The following CLIC5 variants were observed in gnomAD, a reference collection of about 807,000 sequenced individuals.
CLIC5 encodes the protein CLIC family member 5.
In CLIC5, 20 loss-of-function variants were observed where a neutral mutation model predicts 24.7. That is an observed-to-expected ratio of 0.81 (90% confidence interval 0.57 to 1.18). The LOEUF (loss-of-function observed/expected upper bound fraction) is 1.18, where lower values mean the gene tolerates loss of function less well. Ranked by LOEUF, CLIC5 falls within the 50% of genes most tolerant of loss-of-function variation. The pLI, the probability that CLIC5 is intolerant of heterozygous loss-of-function variation, is 0.00. For synonymous variants in CLIC5, 159 were observed against 135.6 expected (o/e 1.17, Z -1.20); for missense variants, 341 against 326.1 (o/e 1.05, Z -0.35).
At chr6:45,909,660 G>C (rs550702422) in intron 5 of CLIC5, among the ~76,000 whole-genome samples, 33 of 152,234 alleles carry the variant, frequency 2.2e-4, no homozygotes, top group African/African-American at 7.2e-4. Flanking sequence ...AGCCTGATGG[G>C]GTTCCATTTG....
intron 1 of CLIC5, among the ~76,000 whole-genome samples, chr6:46,029,073 C>A (rs769155550): frequency 4.6e-5 from 7 of 152,030 alleles, no homozygotes; most frequent in Non-Finnish European, 1.0e-4. Flanking sequence ...CAGAATGAAC[C>A]TTTTTCAGAC....
intron 1 of CLIC5, among the ~76,000 whole-genome samples, chr6:45,982,434 G>A (rs192813285): frequency 1.4e-4 from 21 of 152,204 alleles, no homozygotes; most frequent in Admixed American, 1.2e-3. Context: ...ATCTTTAGGT[G>A]ATTTTGTCAC....
the CLIC5 span, among the ~76,000 whole-genome samples, chr6:46,098,709 C>T: frequency 5.3e-5 from 8 of 152,244 alleles, no homozygotes; most frequent in South Asian, 8.3e-4. Context: ...GCTTCTGCAA[C>T]GGAAGCATAA....
At chr6:46,128,029 T>C in the CLIC5 span, among the ~76,000 whole-genome samples, 1 of 152,222 alleles carries the variant, frequency 6.6e-6, no homozygotes, top group Non-Finnish European at 1.5e-5. Flanking sequence ...CAACCAGTCC[T>C]GAAGTCTGCC....
the CLIC5 span, among the ~76,000 whole-genome samples, chr6:46,093,650 C>T: frequency 3.5e-3 from 538 of 152,268 alleles, 3 homozygotes; most frequent in African/African-American, 0.012. Flanking sequence ...TGTCTGAGTG[C>T]CTGAATTCTT....
chr6:45,949,186 A>C, intron 3 of CLIC5, 70 bp downstream of exon 3: 1 of 1,529,652 alleles, frequency 6.5e-7, no homozygotes, highest in South Asian at 1.3e-5. Context: ...CCCGAAGTTA[A>C]CACCAGGACT....
intron 2 of CLIC5, among the ~76,000 whole-genome samples, chr6:45,954,449 AC>A (rs547344694): frequency 2.2e-4 from 34 of 152,158 alleles, no homozygotes; most frequent in Non-Finnish European, 2.8e-4. Flanking sequence ...AGAACAATTC[AC>A]ATAAAGATAA....
At chr6:45,881,680 A>T (rs1476529267) in intron 6 of CLIC5, among the ~76,000 whole-genome samples, 1 of 152,120 alleles carries the variant, frequency 6.6e-6, no homozygotes, top group Non-Finnish European at 1.5e-5. Context: ...GGGAAATTTG[A>T]TCCATGTGTT....
chr6:45,986,367 C>T (rs1386674821), intron 1 of CLIC5, among the ~76,000 whole-genome samples: 1 of 152,172 alleles, frequency 6.6e-6, no homozygotes, highest in East Asian at 1.9e-4. Flanking sequence ...TCAGGAAACC[C>T]AGCTTCTACT....
At chr6:46,071,840 T>C (rs1224191925) in intron 1 of CLIC5, among the ~76,000 whole-genome samples, 1 of 152,168 alleles carries the variant, frequency 6.6e-6, no homozygotes, top group African/African-American at 2.4e-5. Context: ...TCAACCTGAA[T>C]GCCTATAAAT....
chr6:46,113,865 G>C, the CLIC5 span, among the ~76,000 whole-genome samples: 1 of 152,178 alleles, frequency 6.6e-6, no homozygotes, highest in African/African-American at 2.4e-5. Flanking sequence ...CATGAAGATG[G>C]AGAGAAGATG....
At chr6:45,930,267 A>G (rs1194835600) in intron 4 of CLIC5, among the ~76,000 whole-genome samples, 2 of 152,206 alleles carry the variant, frequency 1.3e-5, no homozygotes, top group Non-Finnish European at 2.9e-5. Flanking sequence ...AATCCTTTCA[A>G]GCACTTTTTT....
At chr6:46,069,272 C>G (rs1203486016) in intron 1 of CLIC5, among the ~76,000 whole-genome samples, 1 of 152,096 alleles carries the variant, frequency 6.6e-6, no homozygotes, top group East Asian at 1.9e-4. Context: ...TAGGGAGCTA[C>G]TGCATAACTA....
chr6:46,047,434 A>G (rs1256798454), intron 1 of CLIC5, among the ~76,000 whole-genome samples: 2 of 152,192 alleles, frequency 1.3e-5, no homozygotes, highest in Non-Finnish European at 2.9e-5. Context: ...CAGGATATGA[A>G]GATTGAAATT....
At chr6:45,882,395 A>T (rs537353070) in intron 6 of CLIC5, among the ~76,000 whole-genome samples, 1 of 152,378 alleles carries the variant, frequency 6.6e-6, no homozygotes, top group Admixed American at 6.5e-5. Context: ...GCCCAATGGC[A>T]ATGGCCACCA....
intron 4 of CLIC5, among the ~76,000 whole-genome samples, chr6:45,936,120 A>G (rs1763923472): frequency 6.6e-6 from 1 of 151,600 alleles, no homozygotes; most frequent in Admixed American, 6.6e-5. Flanking sequence ...TAACCCCTCA[A>G]ACTGCATTTT....
chr6:45,949,450 T>A, intron 2 of CLIC5, 69 bp from the exon 3 acceptor site: 1 of 1,527,928 alleles, frequency 6.5e-7, no homozygotes, highest in Non-Finnish European at 8.9e-7. Context: ...AACCTAAGAT[T>A]GATTGTAACT....
intron 1 of CLIC5, among the ~76,000 whole-genome samples, chr6:46,069,038 G>A (rs753823047): frequency 1.6e-4 from 25 of 152,118 alleles, no homozygotes; most frequent in African/African-American, 2.4e-5. Flanking sequence ...CTGAAAAGGT[G>A]ACTTCTAGGC....
chr6:45,984,940 C>A (rs577320249), intron 1 of CLIC5, among the ~76,000 whole-genome samples: 1 of 152,192 alleles, frequency 6.6e-6, no homozygotes, highest in Non-Finnish European at 1.5e-5. Context: ...CCATCCTTGA[C>A]GTCATAGCTG....
Sources: allele counts gnomAD v4.1 joint callset (sites outside exome capture counted in the v4.1 genomes callset), GRCh38; gene constraint gnomAD v4.1.1; transcripts MANE v1.5; gene names NCBI Gene and HGNC (gene_info 2026-07-23, HGNC 2026-07-21).